Variants in EPM2A observed in about 807,000 individuals in gnomAD.
The protein encoded by EPM2A is EPM2A glucan phosphatase, laforin.
A neutral mutation model predicts 26.5 loss-of-function variants in EPM2A; 21 were observed. The observed-to-expected ratio is 0.79, with a 90% CI of 0.56 to 1.14. The LOEUF is 1.14. Ranked by LOEUF, EPM2A falls within the 50% of genes most tolerant of loss-of-function variation. The pLI, the probability that EPM2A is intolerant of heterozygous loss-of-function variation, is 0.00. For missense variants in EPM2A, 458 were observed against 440.8 expected (o/e 1.04, Z -0.35); for synonymous variants, 217 against 177.6 (o/e 1.22, Z -1.76).
chr6:145,589,850 C>T (rs1781246723), intron 2 of EPM2A, among the ~76,000 whole-genome samples: 1 of 149,052 alleles, frequency 6.7e-6, no homozygotes, highest in African/African-American at 2.5e-5. Context: ...AGCAGGGTAC[C>T]CTTTGGGGAG....
intron 1 of EPM2A, among the ~76,000 whole-genome samples, chr6:145,702,611 A>G (rs759250651): frequency 3.3e-5 from 5 of 152,204 alleles, no homozygotes; most frequent in Non-Finnish European, 5.9e-5. Flanking sequence ...GCTCTTAACT[A>G]TTACCTTACA....
chr6:145,474,399 T>C (rs1466788669), intron 4 of EPM2A, among the ~76,000 whole-genome samples: 1 of 152,084 alleles, frequency 6.6e-6, no homozygotes, highest in Non-Finnish European at 1.5e-5. Context: ...GAGGCAGAAG[T>C]GGCAGTGAGC....
intron 4 of EPM2A, among the ~76,000 whole-genome samples, chr6:145,401,448 G>C (rs761137841): frequency 1.3e-5 from 2 of 152,040 alleles, no homozygotes; most frequent in Non-Finnish European, 2.9e-5. Context: ...TACTCTTCTT[G>C]TTGATGCTCA....
At chr6:145,474,461 CA>C (rs1249427158) in intron 4 of EPM2A, among the ~76,000 whole-genome samples, 1 of 151,704 alleles carries the variant, frequency 6.6e-6, no homozygotes, top group East Asian at 1.9e-4. Context: ...GACTCCATCT[CA>C]AAAAAACTAA....
At chr6:145,532,872 C>T (rs1277529337) in intron 2 of EPM2A, among the ~76,000 whole-genome samples, 1 of 152,128 alleles carries the variant, frequency 6.6e-6, no homozygotes, top group Non-Finnish European at 1.5e-5. Flanking sequence ...TAGTCCAGCT[C>T]TCTTCCTTTC....
rs537384387 is a variant in EPM2A at position 145,399,039 on chromosome 6, A to T, written c.556-14942T>A. ...TTAGAAAATCACTGTATACCACAAG[A>T]CTTCCTTGATCAATGAACTACTGGG... is the stretch of plus-strand genomic sequence containing the variant. On this transcript the variant is annotated intron_variant, in intron 4 of 4. Transcript: ENST00000638717. Among the ~76,000 whole-genome samples, 24 of 152,214 alleles carry T rather than the reference A, an allele frequency of 1.6e-4. No homozygotes were observed. The South Asian group carries it at 4.6e-3, about 29-fold the overall frequency.
intron 4 of EPM2A, among the ~76,000 whole-genome samples, chr6:145,448,130 C>T (rs548919955): frequency 7.2e-4 from 110 of 152,204 alleles, no homozygotes; most frequent in Middle Eastern, 3.4e-3. Context: ...AGTGATTTCA[C>T]ATAAGTGATT....
At chr6:145,553,632 C>T (rs1193366800) in intron 2 of EPM2A, among the ~76,000 whole-genome samples, 4 of 151,980 alleles carry the variant, frequency 2.6e-5, no homozygotes, top group Non-Finnish European at 5.9e-5. Context: ...TAGCATTTCA[C>T]ATCAAACCTA....
intron 4 of EPM2A, among the ~76,000 whole-genome samples, chr6:145,477,620 T>C (rs146865974): frequency 1.3e-5 from 2 of 151,998 alleles, no homozygotes; most frequent in African/African-American, 4.8e-5. Context: ...GCAAGCATAG[T>C]TTAACATATG....
At chr6:145,685,616 T>C (rs546220565) in intron 2 of EPM2A, among the ~76,000 whole-genome samples, 1 of 152,318 alleles carries the variant, frequency 6.6e-6, no homozygotes, top group African/African-American at 2.4e-5. Context: ...CCTTATGTTT[T>C]ATTTAGCAAC....
chr6:145,506,627 T>C (rs755951795), intron 2 of EPM2A, among the ~76,000 whole-genome samples: 2 of 152,038 alleles, frequency 1.3e-5, no homozygotes, highest in Non-Finnish European at 2.9e-5. Flanking sequence ...ATTGAATATA[T>C]AATATGAACT....
chr6:145,437,943 G>C (rs1296957563), intron 4 of EPM2A, among the ~76,000 whole-genome samples: 1 of 152,176 alleles, frequency 6.6e-6, no homozygotes, highest in African/African-American at 2.4e-5. Flanking sequence ...CTAGAAATCA[G>C]AATGCAAATT....
chr6:145,464,404 T>G (rs1021550808), intron 4 of EPM2A, among the ~76,000 whole-genome samples: 1 of 152,130 alleles, frequency 6.6e-6, no homozygotes, highest in Admixed American at 6.6e-5. Flanking sequence ...AATACACAAC[T>G]TGTACACACA....
intron 2 of EPM2A, among the ~76,000 whole-genome samples, chr6:145,601,891 A>T (rs1278314819): frequency 6.6e-6 from 1 of 152,226 alleles, no homozygotes; most frequent in African/African-American, 2.4e-5. Flanking sequence ...AAAAGAATAC[A>T]TTACAAATAC....
At chr6:145,460,648 AT>A (rs1160816496) in intron 4 of EPM2A, among the ~76,000 whole-genome samples, 2 of 152,082 alleles carry the variant, frequency 1.3e-5, no homozygotes, top group African/African-American at 4.8e-5. Context: ...AGAATGGGGA[AT>A]GATGGGGAGC....
At chr6:145,403,447 C>G (rs976281801) in intron 4 of EPM2A, among the ~76,000 whole-genome samples, 1 of 150,724 alleles carries the variant, frequency 6.6e-6, no homozygotes, top group African/African-American at 2.4e-5. Flanking sequence ...CTCTGGTAAC[C>G]ACCCTCTTAC....
intron 2 of EPM2A, among the ~76,000 whole-genome samples, chr6:145,560,858 CT>C (rs1780794677): frequency 6.6e-6 from 1 of 152,068 alleles, no homozygotes; most frequent in African/African-American, 2.4e-5. Flanking sequence ...TCTGCTGACA[CT>C]TTATTATTTA....
At chr6:145,600,481 A>G (rs1324074240) in intron 2 of EPM2A, among the ~76,000 whole-genome samples, 1 of 152,142 alleles carries the variant, frequency 6.6e-6, no homozygotes, top group African/African-American at 2.4e-5. Context: ...TTGTTTTCCT[A>G]TCTTTTCAGT....
At chr6:145,450,259 A>G (rs1387789505) in intron 4 of EPM2A, among the ~76,000 whole-genome samples, 4 of 149,118 alleles carry the variant, frequency 2.7e-5, no homozygotes, top group Admixed American at 6.8e-5. Context: ...AGGCTGAGGC[A>G]GGAGAATGAC....
Sources: allele counts gnomAD v4.1 joint callset (sites outside exome capture counted in the v4.1 genomes callset), GRCh38; gene constraint gnomAD v4.1.1; transcripts MANE v1.5; gene names NCBI Gene and HGNC (gene_info 2026-07-23, HGNC 2026-07-21).